CRB1: variants seen among roughly 807,000 people sequenced by gnomAD.
CRB1 encodes the protein protein crumbs homolog 1.
Under a neutral mutation model 120.0 loss-of-function variants are expected in CRB1, and 83 were observed. The observed-to-expected ratio is 0.69, with a 90% confidence interval of 0.58 to 0.83. CRB1 has a LOEUF of 0.83. CRB1 is among the 40% of genes least tolerant of loss of function. The pLI is 0.00. For synonymous variants in CRB1, 625 were observed against 612.5 expected, an observed-to-expected ratio of 1.02 and a Z score of -0.30; for missense variants, 1,699 against 1,687.6, an observed-to-expected ratio of 1.01 and a Z score of -0.12.
intron 11 of CRB1, among the ~76,000 whole-genome samples, chr1:197,465,868 GTTT>G (rs972577390): frequency 2.0e-5 from 3 of 152,158 alleles, no homozygotes; most frequent in Non-Finnish European, 4.4e-5. Context: ...TAAAGGAAAG[GTTT>G]TTATTTCTGT....
chr1:197,435,129 A>G lies in CRB1; in HGVS notation c.3266A>G (p.Asn1089Ser), dbSNP rs760102263. The change falls in exon 9 of 12, where the codon AAT becomes AGT. Residue 1089 changes from asparagine to serine, a missense_variant. Transcript: ENST00000367400. The stretch of plus-strand genomic sequence containing the variant: ...TATGTGGGAGACAGAGCTATTGACA[A>G]TATAAAGGGCCTGCAAGGGTGTCTA... Reference protein sequence around the residue: ...DIYVGDRAIDNIKGLQGCLST... With the variant: ...DIYVGDRAIDSIKGLQGCLST... 55 of 1,613,926 alleles carry G rather than the reference A, an allele frequency of 3.4e-5. No individual in the cohort carries two copies. The highest frequency in any genetic ancestry group is 4.5e-5 in the Non-Finnish European group (53 of 1,179,868).
chr1:197,247,186 A>T, the CRB1 span, among the ~76,000 whole-genome samples: 5 of 152,176 alleles, frequency 3.3e-5, no homozygotes, highest in East Asian at 9.7e-4. Context: ...TTTTTTACTC[A>T]TAATTTTTTC....
At chr1:197,464,728 T>A (rs1247158064) in intron 11 of CRB1, among the ~76,000 whole-genome samples, 1 of 151,990 alleles carries the variant, frequency 6.6e-6, no homozygotes, top group Non-Finnish European at 1.5e-5. Flanking sequence ...ATACCAAGTA[T>A]GAGACAAGAA....
At chr1:197,428,090 T>G in intron 7 of CRB1, 89 bp downstream of exon 7, 1 of 1,214,906 alleles carries the variant, frequency 8.2e-7, no homozygotes, top group Admixed American at 1.9e-5. Flanking sequence ...ATTCTTTGTA[T>G]ATAAAGATGA....
chr1:197,335,073 C>G (rs1271615588), intron 2 of CRB1, among the ~76,000 whole-genome samples: 1 of 152,072 alleles, frequency 6.6e-6, no homozygotes, highest in African/African-American at 2.4e-5. Flanking sequence ...GGATGGGAAC[C>G]AAGGAAATGT....
At chr1:197,348,270 G>A (rs1056377513) in intron 4 of CRB1, among the ~76,000 whole-genome samples, 3 of 152,142 alleles carry the variant, frequency 2.0e-5, no homozygotes, top group Non-Finnish European at 4.4e-5. Flanking sequence ...TGTTGTCATA[G>A]GAGATGACAG....
At chr1:197,347,259 T>C (rs1659828043) in intron 3 of CRB1, 81 bp from the exon 4 acceptor site, 5 of 1,299,624 alleles carry the variant, frequency 3.8e-6, no homozygotes, top group Non-Finnish European at 4.5e-6. Context: ...CTTGGGTTGA[T>C]AGACAGTTGA....
chr1:197,253,839 C>T, the CRB1 span, among the ~76,000 whole-genome samples: 16 of 151,854 alleles, frequency 1.1e-4, no homozygotes, highest in African/African-American at 3.4e-4. Flanking sequence ...GAAATAACAG[C>T]TTTTGTGCTG....
intron 5 of CRB1, among the ~76,000 whole-genome samples, chr1:197,382,118 G>C (rs1661987454): frequency 6.6e-6 from 1 of 152,138 alleles, no homozygotes; most frequent in African/African-American, 2.4e-5. Flanking sequence ...TAGTGTAACA[G>C]CCAATTATTA....
At chr1:197,222,877 G>A in the CRB1 span, 1 of 1,423,480 alleles carries the variant, frequency 7.0e-7, no homozygotes, top group Non-Finnish European at 9.9e-7. Context: ...GATGAAATTG[G>A]GAAGCATTAC....
intron 1 of CRB1, among the ~76,000 whole-genome samples, chr1:197,270,197 C>T (rs1654832857): frequency 6.6e-6 from 1 of 152,108 alleles, no homozygotes; most frequent in Non-Finnish European, 1.5e-5. Context: ...TAATATCTAG[C>T]AGTAAAAATT....
intron 4 of CRB1, among the ~76,000 whole-genome samples, chr1:197,355,987 CA>C (rs1660460307): frequency 2.0e-5 from 3 of 152,128 alleles, no homozygotes; most frequent in Non-Finnish European, 4.4e-5. Flanking sequence ...ATCACAATAG[CA>C]AAAATGTACA....
intron 5 of CRB1, among the ~76,000 whole-genome samples, chr1:197,401,232 T>C (rs527594898): frequency 1.3e-5 from 2 of 152,248 alleles, no homozygotes; most frequent in African/African-American, 4.8e-5. Flanking sequence ...ATAATTTTTG[T>C]ATTTTTTGTA....
At chr1:197,207,362 ATTTGTTCCAAGATTTAGAGC>A in the CRB1 span, among the ~76,000 whole-genome samples, 1 of 151,100 alleles carries the variant, frequency 6.6e-6, no homozygotes, top group African/African-American at 2.4e-5. Flanking sequence ...TATTTTGAGG[ATTTGTTCCAAGATTTAGAGC>A]TCTTTTTAGC....
intron 4 of CRB1, among the ~76,000 whole-genome samples, chr1:197,348,500 G>A (rs962577807): frequency 6.6e-6 from 1 of 151,918 alleles, no homozygotes; most frequent in Non-Finnish European, 1.5e-5. Flanking sequence ...TTTTTGAAAC[G>A]GAGTCTCTCT....
intron 5 of CRB1, among the ~76,000 whole-genome samples, chr1:197,381,531 A>G (rs1661957009): frequency 6.6e-6 from 1 of 152,200 alleles, no homozygotes; most frequent in Admixed American, 6.5e-5. Context: ...TAATCTGCAT[A>G]TGTGTAACTA....
intron 5 of CRB1, among the ~76,000 whole-genome samples, chr1:197,390,889 A>C (rs1489682059): frequency 6.6e-6 from 1 of 152,064 alleles, no homozygotes; most frequent in Non-Finnish European, 1.5e-5. Flanking sequence ...AGAATAGGCT[A>C]TAATAGGCAT....
chr1:197,257,672 T>C, the CRB1 span, among the ~76,000 whole-genome samples: 1 of 152,216 alleles, frequency 6.6e-6, no homozygotes, highest in Non-Finnish European at 1.5e-5. Context: ...CCCAGTCTCA[T>C]TTCATCTGTT....
At chr1:197,334,094 G>A (rs1659012435) in intron 2 of CRB1, among the ~76,000 whole-genome samples, 1 of 152,174 alleles carries the variant, frequency 6.6e-6, no homozygotes, top group East Asian at 1.9e-4. Flanking sequence ...ACTGTTTTCA[G>A]TTCAACAGAT....
Sources: allele counts gnomAD v4.1 joint callset (sites outside exome capture counted in the v4.1 genomes callset), GRCh38; gene constraint gnomAD v4.1.1; transcripts MANE v1.5; gene names NCBI Gene and HGNC (gene_info 2026-07-23, HGNC 2026-07-21).